Variants in SYCP2 observed in about 807,000 individuals in gnomAD.
SYCP2 encodes the protein synaptonemal complex lateral element protein.
Under a neutral mutation model 211.3 loss-of-function variants are expected in SYCP2, and 55 were observed. The observed-to-expected ratio is 0.26, with a 90% confidence interval of 0.21 to 0.33. The LOEUF is 0.33. Ranked by LOEUF, SYCP2 falls within the 10% of genes least tolerant of loss-of-function variation. SYCP2 has a pLI of 1.00. For synonymous variants in SYCP2, 570 were observed against 555.2 expected (o/e 1.03, Z -0.37); for missense variants, 1,731 against 1,752.0 (o/e 0.99, Z 0.21).
chr20:59,911,317 C>T (rs975490963), intron 14 of SYCP2, among the ~76,000 whole-genome samples: 5 of 152,148 alleles, frequency 3.3e-5, no homozygotes, highest in African/African-American at 1.2e-4. Context: ...CTAAAATTAA[C>T]TCCCACTCAA....
At chr20:59,876,962 G>A (rs868541484) in intron 33 of SYCP2, among the ~76,000 whole-genome samples, 1 of 152,114 alleles carries the variant, frequency 6.6e-6, no homozygotes, top group Non-Finnish European at 1.5e-5. Context: ...AGGTGACTGG[G>A]AATGTTTCTG....
chr20:59,906,502 A>G (rs1600929524), intron 15 of SYCP2, among the ~76,000 whole-genome samples: 1 of 152,264 alleles, frequency 6.6e-6, no homozygotes, highest in Non-Finnish European at 1.5e-5. Flanking sequence ...TCTATATGAA[A>G]AAATGAACCT....
At chr20:59,871,628 T>C (rs910659408) in intron 35 of SYCP2, among the ~76,000 whole-genome samples, 3 of 151,896 alleles carry the variant, frequency 2.0e-5, no homozygotes, top group African/African-American at 7.2e-5. Flanking sequence ...AACAAAGGGA[T>C]TGGTTCTAGG....
intron 14 of SYCP2, among the ~76,000 whole-genome samples, chr20:59,908,706 C>T (rs2060258601): frequency 6.6e-6 from 1 of 152,086 alleles, no homozygotes; most frequent in Non-Finnish European, 1.5e-5. Context: ...AAAATATGCC[C>T]TTACCCAGAT....
intron 14 of SYCP2, among the ~76,000 whole-genome samples, chr20:59,910,818 A>G (rs977507906): frequency 2.6e-5 from 4 of 151,756 alleles, no homozygotes; most frequent in African/African-American, 9.7e-5. Flanking sequence ...TCGAAAAAAA[A>G]TCAGCTTAAA....
chr20:59,905,231 T>TG (rs758094803), intron 15 of SYCP2, among the ~76,000 whole-genome samples: 1 of 152,144 alleles, frequency 6.6e-6, no homozygotes, highest in Non-Finnish European at 1.5e-5. Context: ...CATATGCCTA[T>TG]GGGTCTGAAC....
intron 30 of SYCP2, 39 bp downstream of exon 30, chr20:59,880,927 T>A: frequency 1.1e-6 from 1 of 920,748 alleles, no homozygotes; most frequent in Middle Eastern, 2.3e-4. Flanking sequence ...TTAAGAGAAA[T>A]ACTACTTCTA....
intron 2 of SYCP2, among the ~76,000 whole-genome samples, chr20:59,931,464 G>A (rs970087832): frequency 5.3e-5 from 8 of 151,614 alleles, no homozygotes; most frequent in African/African-American, 1.9e-4. Context: ...TGTGAAATTT[G>A]AGACTATTTT....
Position 59,914,177 on chromosome 20 carries a change from G to A in SYCP2, c.709C>T (p.His237Tyr), listed in dbSNP as rs761447870. 2 of 1,604,554 alleles carry A rather than the reference G, an allele frequency of 1.2e-6. No homozygotes were observed. Among genetic ancestry groups the A allele is most frequent in the Non-Finnish European group, 1.7e-6 (2 of 1,173,344 alleles). The stretch of plus-strand genomic sequence containing the variant: ...ATAAAATCCATTGAAAACCACTGAT[G>A]TGCCAGTTCTTGTCTTTGTTTTTCT... ...TTEKQRQELA[H>Y]QWFSMDFIAK... The change falls in exon 11 of 45, where the codon CAT becomes TAT. Residue 237 changes from histidine to tyrosine, a missense_variant. His to Tyr is a moderately conservative substitution (Grantham distance 83, BLOSUM62 2). This residue lies in a region of SYCP2 where 335 missense variants were observed against 378.8 expected (regional missense o/e 0.88). Transcript: ENST00000357552.
chr20:59,877,314 A>AT lies in SYCP2; in HGVS notation c.3150+70dup, dbSNP rs987657818. The AT allele has an allele frequency of 3.7e-5, 40 of 1,070,464 alleles. No homozygotes were observed. In the African/African-American group the frequency reaches 5.5e-4, roughly 15 times the overall value. 66.3% of individuals were successfully genotyped at this position (1,070,464 alleles called of 1,614,324 possible). ...TAAGAAGTAACAGGATAAATTTGAC[A>AT]TTTTTTACAAAAATATATATTTAGT... is the stretch of plus-strand genomic sequence containing the variant. On this transcript the variant is annotated intron_variant, in intron 33 of 44. Transcript: ENST00000357552.
intron 15 of SYCP2, among the ~76,000 whole-genome samples, chr20:59,903,545 C>T (rs1354563320): frequency 1.3e-5 from 2 of 151,990 alleles, no homozygotes; most frequent in Non-Finnish European, 2.9e-5. Context: ...GGAGCAAAGA[C>T]TTGGAGAATG....
chr20:59,884,992 T>G (rs1331216867), intron 26 of SYCP2: 2 of 151,860 alleles, frequency 1.3e-5, no homozygotes, highest in Non-Finnish European at 2.9e-5. Context: ...ATAAGGAAGG[T>G]ACAAAGAGAA....
At chr20:59,867,373 A>C (rs2145590812) in intron 39 of SYCP2, among the ~76,000 whole-genome samples, 1 of 151,624 alleles carries the variant, frequency 6.6e-6, no homozygotes, top group East Asian at 1.9e-4. Flanking sequence ...CTCATTCTTT[A>C]TACTACACTA....
At chr20:59,871,094 TTACATTATA>T (rs1600810902) in intron 35 of SYCP2, among the ~76,000 whole-genome samples, 1 of 151,808 alleles carries the variant, frequency 6.6e-6, no homozygotes, top group East Asian at 1.9e-4. Context: ...AAAAGAATGT[TTACATTATA>T]TACAACGAAT....
chr20:59,916,587 A>G lies in SYCP2; in HGVS notation c.428-16T>C. The G allele has an allele frequency of 6.7e-7, 1 of 1,493,798 alleles. No individual in the cohort carries two copies. Among genetic ancestry groups the G allele is most frequent in the Non-Finnish European group, 9.3e-7 (1 of 1,071,082 alleles). The allele number at this position is 1,493,798 out of a possible 1,614,324, so 92.5% of individuals were successfully genotyped here. ...TGTTTTTTACCTGAATAAAAGTGTT[A>G]AATTATTGATAAATGTTCATTTCAA... On this transcript the variant is annotated splice_polypyrimidine_tract_variant and intron_variant, in intron 7 of 44. Coordinates refer to ENST00000357552, the MANE Select transcript of SYCP2 (RefSeq NM_014258.4).
At chr20:59,922,786 A>G (rs766439059) in intron 2 of SYCP2, among the ~76,000 whole-genome samples, 6 of 151,298 alleles carry the variant, frequency 4.0e-5, no homozygotes, top group Admixed American at 6.6e-5. Context: ...TACTTGTTCC[A>G]CCTCTGAGAA....
intron 2 of SYCP2, among the ~76,000 whole-genome samples, chr20:59,923,537 A>G (rs1319162135): frequency 6.6e-6 from 1 of 151,640 alleles, no homozygotes; most frequent in Non-Finnish European, 1.5e-5. Context: ...CATGTCTACA[A>G]AAAAATTTTT....
intron 15 of SYCP2, among the ~76,000 whole-genome samples, chr20:59,905,606 G>A (rs939190956): frequency 5.9e-5 from 9 of 152,104 alleles, no homozygotes; most frequent in Non-Finnish European, 1.0e-4. Flanking sequence ...TAGAGTACAA[G>A]GATGGATAGA....
In SYCP2 at chr20:59,893,212, A is replaced by C. The variant is rs193210478; in HGVS notation, c.1736-13T>G. On this transcript the variant is annotated splice_polypyrimidine_tract_variant and intron_variant, in intron 21 of 44. Coordinates refer to ENST00000357552, the MANE Select transcript of SYCP2 (RefSeq NM_014258.4). Reference sequence around the variant, plus strand: ...TCCTGGAGTTCACCTAAATAAAACAAATATTATAATATTTTCATTTTTTTC... The same window carrying C: ...TCCTGGAGTTCACCTAAATAAAACACATATTATAATATTTTCATTTTTTTC... 6.4e-7 allele frequency: 1 copy of C among 1,563,156 alleles called. No homozygotes were observed. The highest frequency in any genetic ancestry group is 2.3e-5 in the East Asian group (1 of 44,272).
Sources: allele counts gnomAD v4.1 joint callset (sites outside exome capture counted in the v4.1 genomes callset), GRCh38; gene constraint gnomAD v4.1.1; regional missense constraint gnomAD v4.1.1; transcripts MANE v1.5; gene names NCBI Gene and HGNC (gene_info 2026-07-23, HGNC 2026-07-21).